Variants in FGF14 observed in about 807,000 individuals in gnomAD.
FGF14 encodes fibroblast growth factor 14.
FGF14 carries 5 observed loss-of-function variants against 25.5 expected under a neutral mutation model. The observed-to-expected ratio is 0.20, with a 90% CI of 0.10 to 0.41. The LOEUF (loss-of-function observed/expected upper bound fraction) is 0.41, where lower values mean the gene tolerates loss of function less well. Ranked by LOEUF, FGF14 falls within the 10% of genes least tolerant of loss-of-function variation. The pLI, the probability that FGF14 is intolerant of heterozygous loss-of-function variation, is 1.00. For missense variants in FGF14, 222 were observed against 320.1 expected (o/e 0.69, Z 2.34); for synonymous variants, 138 against 118.3 (o/e 1.17, Z -1.08).
At chr13:101,820,805 CA>C (rs201140702) in intron 3 of FGF14, among the ~76,000 whole-genome samples, 7 of 66,652 alleles carry the variant, frequency 1.1e-4, no homozygotes, top group South Asian at 6.9e-4. Context: ...CACACACACA[CA>C]ACACACACAC....
chr13:101,945,667 T>G (rs954917961), intron 1 of FGF14, among the ~76,000 whole-genome samples: 1 of 152,214 alleles, frequency 6.6e-6, no homozygotes, highest in African/African-American at 2.4e-5. Flanking sequence ...GCCTTCCTTC[T>G]GTCTGCACTC....
chr13:102,352,673 G>A (rs1283292132), intron 1 of FGF14, among the ~76,000 whole-genome samples: 2 of 152,060 alleles, frequency 1.3e-5, no homozygotes, highest in East Asian at 1.9e-4. Context: ...TTAGCCGGGG[G>A]CGGTGGTGGG....
At chr13:102,269,151 G>C (rs1218718620) in intron 1 of FGF14, among the ~76,000 whole-genome samples, 1 of 152,210 alleles carries the variant, frequency 6.6e-6, no homozygotes, top group East Asian at 1.9e-4. Flanking sequence ...GTGAAAAACA[G>C]TTCATCAGGA....
intron 3 of FGF14, among the ~76,000 whole-genome samples, chr13:101,842,984 C>A (rs753815225): frequency 6.6e-6 from 1 of 152,040 alleles, no homozygotes; most frequent in Non-Finnish European, 1.5e-5. Context: ...ATCATCCTAA[C>A]GACTGTTCGT....
intron 1 of FGF14, among the ~76,000 whole-genome samples, chr13:101,992,699 A>G (rs918053549): frequency 6.6e-6 from 1 of 152,056 alleles, no homozygotes; most frequent in African/African-American, 2.4e-5. Flanking sequence ...AGAGATGAAG[A>G]ATTTATTTAA....
chr13:101,965,264 T>A (rs897478765), intron 1 of FGF14, among the ~76,000 whole-genome samples: 23 of 145,452 alleles, frequency 1.6e-4, no homozygotes, highest in Admixed American at 1.3e-3. Context: ...AAAAAAAACC[T>A]CCTCTTGTGG....
rs560227395 is a variant in FGF14, at chr13:102,096,419, T to C, written c.209-221123A>G. ...GTTGTCCTGGTCTTTATTAATACTT[T>C]ACTCTTTAATTAAAAAAAAAACACA... On this transcript the variant is annotated intron_variant, in intron 1 of 4. Coordinates refer to the FGF14 transcript ENST00000376131. Among the ~76,000 whole-genome samples the C allele has an allele frequency of 2.3e-5, 3 of 130,146 alleles. No individual in the cohort carries two copies. The South Asian group carries it at 7.0e-4, about 30-fold the overall frequency. The allele number at this position is 130,146 out of a possible 152,430, so 85.4% of individuals were successfully genotyped here.
intron 1 of FGF14, among the ~76,000 whole-genome samples, chr13:102,069,334 T>A (rs1440988584): frequency 2.0e-5 from 3 of 151,946 alleles, no homozygotes; most frequent in Admixed American, 6.5e-5. Flanking sequence ...CAGCGCCCTG[T>A]CAAAAAAGGC....
chr13:102,376,140 T>C (rs1411805364), intron 1 of FGF14, among the ~76,000 whole-genome samples: 1 of 152,184 alleles, frequency 6.6e-6, no homozygotes, highest in Admixed American at 6.6e-5. Context: ...AATCCGCATG[T>C]GTCAAGGGCA....
intron 1 of FGF14, among the ~76,000 whole-genome samples, chr13:102,132,816 C>G (rs1971227): frequency 4.6e-5 from 7 of 151,972 alleles, no homozygotes; most frequent in Admixed American, 6.6e-5. Context: ...CCCCTGCACC[C>G]GGCCCTTAAG....
chr13:102,207,805 C>T (rs2049998182), intron 1 of FGF14, among the ~76,000 whole-genome samples: 1 of 151,968 alleles, frequency 6.6e-6, no homozygotes, highest in Non-Finnish European at 1.5e-5. Context: ...TACAATAGTT[C>T]AAAAAGGTTA....
chr13:102,040,324 T>G (rs1437493680), intron 1 of FGF14, among the ~76,000 whole-genome samples: 2 of 152,198 alleles, frequency 1.3e-5, no homozygotes, highest in Non-Finnish European at 2.9e-5. Flanking sequence ...TAATCATATT[T>G]GTCTTTTTTT....
chr13:101,916,805 C>A lies in FGF14; in HGVS notation c.-160G>T, dbSNP rs1160075272. Among the ~76,000 whole-genome samples, 1 of 152,134 alleles carries A rather than the reference C, an allele frequency of 6.6e-6. No homozygotes were observed. Among genetic ancestry groups the A allele is most frequent in the East Asian group, 1.9e-4 (1 of 5,138 alleles). ...GAGGGGAAGGGGGGCTCAGTCCTGACCGGGACCCATCGCCCTCTCCGCGGG... is the reference window on the plus strand; with the variant it reads ...GAGGGGAAGGGGGGCTCAGTCCTGAACGGGACCCATCGCCCTCTCCGCGGG... On this transcript the variant is annotated 5_prime_UTR_variant, in exon 1 of 5. Coordinates refer to ENST00000376143, the MANE Select transcript of FGF14 (RefSeq NM_004115.4).
At chr13:101,734,350 G>T (rs986007906) in intron 3 of FGF14, among the ~76,000 whole-genome samples, 5 of 151,984 alleles carry the variant, frequency 3.3e-5, no homozygotes, top group African/African-American at 1.2e-4. Context: ...CAAGAAAATA[G>T]AAACAAAAAT....
At chr13:102,067,451 C>T (rs1011698198) in intron 1 of FGF14, among the ~76,000 whole-genome samples, 1 of 151,592 alleles carries the variant, frequency 6.6e-6, no homozygotes, top group African/African-American at 2.4e-5. Flanking sequence ...TATTGAGCTT[C>T]CCATTTTCTC....
chr13:102,025,844 G>A (rs2139897961), intron 1 of FGF14, among the ~76,000 whole-genome samples: 1 of 152,094 alleles, frequency 6.6e-6, no homozygotes, highest in East Asian at 1.9e-4. Flanking sequence ...TCTATATTGA[G>A]CTTGTAGCCT....
chr13:102,025,813 TATAG>T (rs1354392271), intron 1 of FGF14, among the ~76,000 whole-genome samples: 2 of 152,104 alleles, frequency 1.3e-5, no homozygotes, highest in Non-Finnish European at 2.9e-5. Flanking sequence ...ATTGTTAGTA[TATAG>T]AAATACAATT....
At chr13:102,145,574 AT>A (rs2046821881) in intron 1 of FGF14, among the ~76,000 whole-genome samples, 1 of 152,178 alleles carries the variant, frequency 6.6e-6, no homozygotes, top group South Asian at 2.1e-4. Flanking sequence ...ATCCATGCCT[AT>A]TTTAAATATG....
intron 1 of FGF14, among the ~76,000 whole-genome samples, chr13:102,076,505 T>C (rs1198007154): frequency 6.6e-6 from 1 of 152,166 alleles, no homozygotes; most frequent in Non-Finnish European, 1.5e-5. Flanking sequence ...ATGACACATT[T>C]CTCAGAACAT....
Sources: allele counts gnomAD v4.1 joint callset (sites outside exome capture counted in the v4.1 genomes callset), GRCh38; gene constraint gnomAD v4.1.1; transcripts MANE v1.5; gene names NCBI Gene and HGNC (gene_info 2026-07-23, HGNC 2026-07-21).